Variants in PDGFC observed in about 807,000 individuals in gnomAD.
PDGFC encodes platelet-derived growth factor C.
A neutral mutation model predicts 35.5 loss-of-function variants in PDGFC; 12 were observed. The observed-to-expected ratio is 0.34, with a 90% CI of 0.22 to 0.55. PDGFC has a LOEUF of 0.55. Ranked by LOEUF, PDGFC falls within the 20% of genes least tolerant of loss-of-function variation. PDGFC has a pLI of 0.91. For synonymous variants in PDGFC, 159 were observed against 148.8 expected, an observed-to-expected ratio of 1.07 and a Z score of -0.50; for missense variants, 322 against 412.4, an observed-to-expected ratio of 0.78 and a Z score of 1.90.
Position 156,767,773 on chromosome 4 carries a change from C to G in PDGFC, c.921G>C (p.Glu307Asp). 6.3e-7 allele frequency: 1 copy of G among 1,595,434 alleles called. No individual in the cohort carries two copies. Among genetic ancestry groups the G allele is most frequent in the Non-Finnish European group, 8.6e-7 (1 of 1,163,360 alleles). ...VPSKVTKKYHEVLQLRPKTGV... is the reference protein window; with the variant it reads ...VPSKVTKKYHDVLQLRPKTGV... ...ACCAAAAAGAAAATTGTATACCTACCTCGTGGTATTTTTTAGTAACTTTGC... is the reference window on the plus strand; with the variant it reads ...ACCAAAAAGAAAATTGTATACCTACGTCGTGGTATTTTTTAGTAACTTTGC... The change falls in exon 5 of 6, where the codon GAG becomes GAC. Residue 307 changes from glutamate (E) to aspartate (D), a missense_variant and splice_region_variant. This residue lies in a region of PDGFC where 202 missense variants were observed against 295.9 expected (regional missense o/e 0.68). Transcript: ENST00000502773.
intron 1 of PDGFC, among the ~76,000 whole-genome samples, chr4:156,916,586 T>C (rs1478426642): frequency 6.6e-6 from 1 of 152,162 alleles, no homozygotes. Flanking sequence ...ACCTTCAAAA[T>C]AACTCAAGGA....
intron 1 of PDGFC, among the ~76,000 whole-genome samples, chr4:156,939,483 T>C (rs770236217): frequency 1.3e-5 from 2 of 152,082 alleles, no homozygotes; most frequent in African/African-American, 2.4e-5. Context: ...ATTAGGCTCA[T>C]AAAAGTGGGC....
At chr4:156,917,878 C>A (rs959931599) in intron 1 of PDGFC, among the ~76,000 whole-genome samples, 3 of 152,170 alleles carry the variant, frequency 2.0e-5, no homozygotes, top group African/African-American at 7.2e-5. Flanking sequence ...GGTTCATACT[C>A]TAAACCACTT....
chr4:156,800,157 T>C (rs1731560614), intron 3 of PDGFC, among the ~76,000 whole-genome samples: 1 of 152,150 alleles, frequency 6.6e-6, no homozygotes, highest in Non-Finnish European at 1.5e-5. Context: ...TATTTCAATA[T>C]GGGGATTAAA....
intron 1 of PDGFC, among the ~76,000 whole-genome samples, chr4:156,938,803 T>C (rs112698932): frequency 6.6e-6 from 1 of 150,652 alleles, no homozygotes; most frequent in African/African-American, 2.5e-5. Flanking sequence ...ATGAACATAC[T>C]AATATAATAG....
chr4:156,897,085 A>G (rs958041801), intron 1 of PDGFC, among the ~76,000 whole-genome samples: 1 of 152,176 alleles, frequency 6.6e-6, no homozygotes, highest in Admixed American at 6.5e-5. Context: ...TAAAATGTAC[A>G]TACTTCTATG....
At chr4:156,768,108 C>T in intron 4 of PDGFC, 118 bp from the exon 5 acceptor site, 1 of 688,612 alleles carries the variant, frequency 1.5e-6, no homozygotes, top group Non-Finnish European at 2.6e-6. Context: ...ATATCCATAA[C>T]AATATCCGCT....
At chr4:156,969,483 T>A (rs546652594) in intron 1 of PDGFC, among the ~76,000 whole-genome samples, 1 of 152,350 alleles carries the variant, frequency 6.6e-6, no homozygotes, top group East Asian at 1.9e-4. Flanking sequence ...CAACAGCAAA[T>A]ACAAATAACG....
chr4:156,896,307 C>T (rs1730632490), intron 1 of PDGFC, among the ~76,000 whole-genome samples: 1 of 152,130 alleles, frequency 6.6e-6, no homozygotes, highest in South Asian at 2.1e-4. Flanking sequence ...GAGTAACTGG[C>T]CTATGACTGG....
chr4:156,921,623 A>T (rs1731283683), intron 1 of PDGFC, among the ~76,000 whole-genome samples: 1 of 152,220 alleles, frequency 6.6e-6, no homozygotes, highest in African/African-American at 2.4e-5. Flanking sequence ...ATATGTTTTC[A>T]GTATGACACC....
intron 1 of PDGFC, among the ~76,000 whole-genome samples, chr4:156,898,980 G>A (rs940644910): frequency 6.6e-6 from 1 of 152,140 alleles, no homozygotes; most frequent in East Asian, 1.9e-4. Flanking sequence ...TACCAAAAAT[G>A]TAGCAAGGTT....
At chr4:156,799,891 T>TA (rs925077195) in intron 3 of PDGFC, among the ~76,000 whole-genome samples, 4 of 152,022 alleles carry the variant, frequency 2.6e-5, no homozygotes, top group Non-Finnish European at 2.9e-5. Context: ...TTGTCACTAC[T>TA]AAAAAAAATT....
chr4:156,912,207 C>A (rs897223111), intron 1 of PDGFC, among the ~76,000 whole-genome samples: 1 of 152,038 alleles, frequency 6.6e-6, no homozygotes, highest in African/African-American at 2.4e-5. Flanking sequence ...CAAGGGAAAC[C>A]TTAAAAAATA....
In PDGFC at chr4:156,971,301, C is replaced by T. The variant is rs1199452003; in HGVS notation, c.-398G>A. 2 of 401,708 alleles carry T rather than the reference C, an allele frequency of 5.0e-6. No individual in the cohort carries two copies. The highest frequency in any genetic ancestry group is 3.5e-5 in the East Asian group (1 of 28,202). 24.9% of individuals were successfully genotyped at this position (401,708 alleles called of 1,614,324 possible). A position where few individuals can be genotyped will look rare whatever the true frequency, so the allele number is the denominator to read the frequency against. ...TCGGGGGACAGGACAGAGGCGAAAA[C>T]TCAAGGGTTGCCCGCAGCCAGACTG... On this transcript the variant is annotated 5_prime_UTR_variant, in exon 1 of 6. Coordinates refer to ENST00000502773, the MANE Select transcript of PDGFC (RefSeq NM_016205.3).
At chr4:156,821,302 C>T (rs1445173061) in intron 2 of PDGFC, among the ~76,000 whole-genome samples, 5 of 151,976 alleles carry the variant, frequency 3.3e-5, no homozygotes, top group Admixed American at 6.6e-5. Context: ...AATTACAGCC[C>T]ACTGCAGCTT....
chr4:156,794,518 AAAAG>A (rs1731386249), intron 3 of PDGFC, among the ~76,000 whole-genome samples: 1 of 152,000 alleles, frequency 6.6e-6, no homozygotes, highest in Non-Finnish European at 1.5e-5. Context: ...GAAGGAAGAA[AAAAG>A]AAGGGAGGGA....
At chr4:156,933,725 C>A (rs888212326) in intron 1 of PDGFC, among the ~76,000 whole-genome samples, 1 of 152,104 alleles carries the variant, frequency 6.6e-6, no homozygotes, top group Non-Finnish European at 1.5e-5. Flanking sequence ...GTGACTGGAT[C>A]ATAAGAGCAT....
chr4:156,840,263 C>T (rs1176665174), intron 2 of PDGFC, among the ~76,000 whole-genome samples: 3 of 152,162 alleles, frequency 2.0e-5, no homozygotes, highest in African/African-American at 7.2e-5. Context: ...ATGCTGTGTG[C>T]AGCCTAGGGA....
chr4:156,826,843 T>G (rs143875704), intron 2 of PDGFC, among the ~76,000 whole-genome samples: 2 of 152,172 alleles, frequency 1.3e-5, no homozygotes, highest in African/African-American at 2.4e-5. Context: ...CATTTATATA[T>G]ACAAATTTAG....
Sources: gnomAD v4.1 joint callset for allele counts (sites outside exome capture counted in the v4.1 genomes callset) on GRCh38, gnomAD v4.1.1 for gene constraint, gnomAD v4.1.1 regional missense constraint, MANE v1.5 for transcripts, NCBI Gene and HGNC (gene_info 2026-07-23, HGNC 2026-07-21) for gene names.